The following PRICKLE1 variants were observed in gnomAD, a reference collection of about 807,000 sequenced individuals.
PRICKLE1 encodes the protein prickle planar cell polarity protein 1.
PRICKLE1 carries 14 observed loss-of-function variants against 70.2 expected under a neutral mutation model. The observed-to-expected ratio is 0.20, with a 90% CI of 0.13 to 0.31. The LOEUF (loss-of-function observed/expected upper bound fraction) is 0.31, where lower values mean the gene tolerates loss of function less well. Among genes scored for constraint, PRICKLE1 ranks in the 10% least tolerant of loss-of-function variants. PRICKLE1 has a pLI of 1.00. For synonymous variants in PRICKLE1, 357 were observed against 379.9 expected (o/e 0.94, Z 0.70); for missense variants, 821 against 1,026.2 (o/e 0.80, Z 2.73).
chr12:42,546,452 G>C (rs1429955747), intron 1 of PRICKLE1, among the ~76,000 whole-genome samples: 1 of 152,184 alleles, frequency 6.6e-6, no homozygotes, highest in Non-Finnish European at 1.5e-5. Flanking sequence ...GAGGCAAACT[G>C]AGTAAAGAAT....
intron 1 of PRICKLE1, among the ~76,000 whole-genome samples, chr12:42,477,390 A>AATAT (rs71084658): frequency 4.7e-3 from 682 of 145,264 alleles, no homozygotes; most frequent in Middle Eastern, 7.2e-3. Context: ...AACAAAACAA[A>AATAT]ATATATATAT....
intron 1 of PRICKLE1, among the ~76,000 whole-genome samples, chr12:42,504,827 C>T (rs1239912082): frequency 4.6e-5 from 7 of 152,220 alleles, no homozygotes; most frequent in African/African-American, 1.4e-4. Context: ...GACTTTATGG[C>T]TCATTGTTCT....
At chr12:42,573,020 A>AT (rs11410696) in intron 1 of PRICKLE1, among the ~76,000 whole-genome samples, 27 of 151,528 alleles carry the variant, frequency 1.8e-4, no homozygotes, top group African/African-American at 5.3e-4. Flanking sequence ...TGTTTAAAAA[A>AT]TTTTTTTTTA....
intron 1 of PRICKLE1, among the ~76,000 whole-genome samples, chr12:42,498,553 C>T (rs1265362299): frequency 6.6e-6 from 1 of 152,180 alleles, no homozygotes; most frequent in African/African-American, 2.4e-5. Context: ...GAGGCTGAGG[C>T]AGGAGGATTG....
intron 1 of PRICKLE1, among the ~76,000 whole-genome samples, chr12:42,487,764 G>A (rs905956050): frequency 1.3e-5 from 2 of 152,132 alleles, no homozygotes; most frequent in African/African-American, 2.4e-5. Flanking sequence ...AAAAAATCTC[G>A]GCCAAGCGTA....
intron 1 of PRICKLE1, among the ~76,000 whole-genome samples, chr12:42,476,198 T>C (rs1938524328): frequency 7.2e-6 from 1 of 138,486 alleles, no homozygotes; most frequent in African/African-American, 3.5e-5. Flanking sequence ...TTTTTCTTTT[T>C]TTTTTTTGAG....
In PRICKLE1 at chr12:42,545,895, CAT is replaced by C. The variant is rs375757064; in HGVS notation, c.-49+43568_-49+43569del. Among the ~76,000 whole-genome samples the C allele has an allele frequency of 1.1e-3, 163 of 144,876 alleles. 1 individual carries two copies. Among genetic ancestry groups the C allele is most frequent in the African/African-American group, 3.5e-3 (138 of 39,638 alleles). The stretch of plus-strand genomic sequence containing the variant: ...ATATATATGGAAGGAAAAATATATC[CAT>C]ATATATATATATATGGAAGGAGGGA... On this transcript the variant is annotated intron_variant, in intron 1 of 7. Transcript: ENST00000345127.
At chr12:42,532,211 T>A (rs192661324) in intron 1 of PRICKLE1, among the ~76,000 whole-genome samples, 19 of 152,330 alleles carry the variant, frequency 1.2e-4, no homozygotes, top group Admixed American at 3.9e-4. Flanking sequence ...TTCCTAGCAA[T>A]TCTACTTCTA....
In PRICKLE1 at chr12:42,464,420, A is replaced by G. The variant is rs1937995651; in HGVS notation, c.1614T>C (p.Asp538=). 1.2e-6 allele frequency: 2 copies of G among 1,614,130 alleles called. No individual in the cohort carries two copies. Among genetic ancestry groups the G allele is most frequent in the Non-Finnish European group, 8.5e-7 (1 of 1,180,012 alleles). Residue 538 remains aspartate (D), a synonymous_variant, in exon 7 of 8, where the codon GAT becomes GAC. Coordinates refer to ENST00000345127, the MANE Select transcript of PRICKLE1 (RefSeq NM_153026.3). This position sits in a 1 kb window ranked among gnomAD's most constrained non-coding sequence, Gnocchi z 4.2. ...KPEQSVRDSM[D]SLALSNITGA... ...CTGTGATATTGGACAATGCCAAAGA[A>G]TCCATCGAATCCCGAACACTTTGCT...
chr12:42,560,125 A>C lies in PRICKLE1; in HGVS notation c.-49+29340T>G, dbSNP rs368009891. ...TTTAATTATTATTATTATTATTATT[A>C]TTATTATTATTATTATTATTATTAT... On this transcript the variant is annotated intron_variant, in intron 1 of 7. Transcript: ENST00000345127. Among the ~76,000 whole-genome samples the C allele has an allele frequency of 1.4e-4, 14 of 97,174 alleles. 1 individual carries two copies. The highest frequency in any genetic ancestry group is 6.0e-4 in the South Asian group (2 of 3,348). The allele number at this position is 97,174 out of a possible 152,430, so 63.7% of individuals were successfully genotyped here.
At chr12:42,527,679 G>A (rs2120520787) in intron 1 of PRICKLE1, among the ~76,000 whole-genome samples, 1 of 152,156 alleles carries the variant, frequency 6.6e-6, no homozygotes, top group South Asian at 2.1e-4. Flanking sequence ...AGTGAACAAA[G>A]TGGTGGGCTG....
intron 1 of PRICKLE1, among the ~76,000 whole-genome samples, chr12:42,567,689 C>T (rs982577259): frequency 2.8e-4 from 42 of 147,766 alleles, no homozygotes; most frequent in African/African-American, 9.6e-4. Context: ...TAACTGGGCG[C>T]GGTGGTGGTT....
chr12:42,559,732 G>A (rs1418121069), intron 1 of PRICKLE1, among the ~76,000 whole-genome samples: 1 of 150,940 alleles, frequency 6.6e-6, no homozygotes, highest in Admixed American at 6.6e-5. Context: ...CCAAAGCATT[G>A]GGATTACAGG....
chr12:42,468,197 G>A (rs1047897431), intron 5 of PRICKLE1, among the ~76,000 whole-genome samples: 4 of 152,024 alleles, frequency 2.6e-5, no homozygotes, highest in African/African-American at 9.7e-5. Context: ...CTTCCCCGAG[G>A]GTAACTACTA....
intron 1 of PRICKLE1, among the ~76,000 whole-genome samples, chr12:42,499,427 ATT>A (rs550884637): frequency 4.2e-5 from 6 of 144,508 alleles, no homozygotes; most frequent in Admixed American, 6.9e-5. Context: ...TAAATCTAGA[ATT>A]TTTTTTTTTT....
rs1413929405 is a variant in PRICKLE1 at position 42,460,600 on chromosome 12, TCTC to T, written c.1702_1704del (p.Glu568del). The T allele has an allele frequency of 1.2e-6, 2 of 1,613,552 alleles. No homozygotes were observed. The highest frequency in any genetic ancestry group is 1.3e-5 in the African/African-American group (1 of 74,924). Reference sequence around the variant, plus strand: ...ATCTTCTCACAATCTTCTGTTTCCATCTCCTCAAAATTTTGCAGAGAATACAAT... The same window carrying T: ...ATCTTCTCACAATCTTCTGTTTCCATCTCAAAATTTTGCAGAGAATACAAT... On this transcript the variant is annotated inframe_deletion, in exon 8 of 8. Coordinates refer to ENST00000345127, the MANE Select transcript of PRICKLE1 (RefSeq NM_153026.3).
At chr12:42,585,485 C>CA (rs974228491) in intron 1 of PRICKLE1, among the ~76,000 whole-genome samples, 3 of 152,112 alleles carry the variant, frequency 2.0e-5, no homozygotes, top group Admixed American at 6.6e-5. Context: ...CCCCACCCCC[C>CA]ACAACTGGAA....
chr12:42,561,980 C>T (rs1227591607), intron 1 of PRICKLE1, among the ~76,000 whole-genome samples: 1 of 144,326 alleles, frequency 6.9e-6, no homozygotes, highest in Admixed American at 7.3e-5. Context: ...GGCACGATCT[C>T]GGCTCACTGA....
At chr12:42,560,768 T>TCACACA (rs71084672) in intron 1 of PRICKLE1, among the ~76,000 whole-genome samples, 70 of 127,758 alleles carry the variant, frequency 5.5e-4, no homozygotes, top group African/African-American at 2.2e-3. Context: ...GCCCATCTTC[T>TCACACA]CACACACACA....
Sources: allele counts gnomAD v4.1 joint callset (sites outside exome capture counted in the v4.1 genomes callset), GRCh38; gene constraint gnomAD v4.1.1; non-coding constraint Gnocchi (gnomAD v3.1); transcripts MANE v1.5; gene names NCBI Gene and HGNC (gene_info 2026-07-23, HGNC 2026-07-21).